The following PSAP variants were observed in gnomAD, a reference collection of about 807,000 sequenced individuals.
PSAP encodes the protein precursor of saposins.
Under a neutral mutation model 66.0 loss-of-function variants are expected in PSAP, and 25 were observed. That is an observed-to-expected ratio of 0.38 (90% CI 0.28 to 0.53). The LOEUF is 0.53. Among genes scored for constraint, PSAP ranks in the 20% least tolerant of loss-of-function variants. The probability of loss-of-function intolerance (pLI) is 0.83; values close to 1 mark genes in which losing one functional copy is unlikely to be tolerated. For missense variants in PSAP, 649 were observed against 668.8 expected (o/e 0.97, Z 0.33); for synonymous variants, 273 against 258.9 (o/e 1.05, Z -0.52).
intron 10 of PSAP, 39 bp from the exon 11 acceptor site, chr10:71,819,661 C>G: frequency 2.5e-6 from 4 of 1,614,090 alleles, no homozygotes; most frequent in Middle Eastern, 1.6e-4. Context: ...TGGCAGGGCC[C>G]TCCCAGACCC....
chr10:71,833,504 T>A (rs1842560500), intron 2 of PSAP, among the ~76,000 whole-genome samples: 1 of 152,206 alleles, frequency 6.6e-6, no homozygotes, highest in Non-Finnish European at 1.5e-5. Context: ...TTCCAGTGAA[T>A]AATTCACAAA....
intron 1 of PSAP, 27 bp from the exon 2 acceptor site, chr10:71,834,532 T>C: frequency 6.2e-7 from 1 of 1,611,608 alleles, no homozygotes. Context: ...CGTGAGGAGG[T>C]GGCCCATTTT....
chr10:71,834,913 T>A (rs1478071790), intron 1 of PSAP, among the ~76,000 whole-genome samples: 1 of 152,104 alleles, frequency 6.6e-6, no homozygotes, highest in Non-Finnish European at 1.5e-5. Flanking sequence ...GTAAAATGGA[T>A]AACAACTGTA....
In PSAP at chr10:71,817,570, G is replaced by T. The variant is rs547640336; in HGVS notation, c.1540-94C>A. 4.7e-5 allele frequency: 58 copies of T among 1,242,656 alleles called. No homozygotes were observed. The African/African-American group carries it at 7.7e-4, about 16-fold the overall frequency. The allele number at this position is 1,242,656 out of a possible 1,614,324, so 77.0% of individuals were successfully genotyped here. Reference sequence around the variant, plus strand: ...CAGATATCACCCCAAAACAGGACCTGTTCTCTTGTCCTAGGTCAGCTGGAT... The same window carrying T: ...CAGATATCACCCCAAAACAGGACCTTTTCTCTTGTCCTAGGTCAGCTGGAT... On this transcript the variant is annotated intron_variant, in intron 13 of 13. Transcript: ENST00000394936.
In PSAP at chr10:71,823,814, C is replaced by T; in HGVS notation, c.778-1807G>A. 2.8e-6 allele frequency: 3 copies of T among 1,067,146 alleles called. No individual in the cohort carries two copies. In the South Asian group the frequency reaches 4.1e-5, roughly 15 times the overall value. 66.1% of individuals were successfully genotyped at this position (1,067,146 alleles called of 1,614,324 possible). ...ATCTGTCAGAGCTAATCATGCCATA[C>T]CCAAAAAAAAAAAAAGCAAAGTAAC... is the stretch of plus-strand genomic sequence containing the variant. On this transcript the variant is annotated intron_variant, in intron 7 of 13. Transcript: ENST00000394936.
chr10:71,847,897 C>A (rs1842850332), intron 1 of PSAP, among the ~76,000 whole-genome samples: 1 of 152,156 alleles, frequency 6.6e-6, no homozygotes, highest in South Asian at 2.1e-4. Context: ...TATATAACAC[C>A]TTCTAGCATC....
rs1842923741 is a variant in PSAP, at chr10:71,851,248, A to G, written c.-27T>C. 5 of 1,549,104 alleles carry G rather than the reference A, an allele frequency of 3.2e-6. No homozygotes were observed. The highest frequency in any genetic ancestry group is 1.2e-5 in the South Asian group (1 of 84,028). On this transcript the variant is annotated 5_prime_UTR_variant, in exon 1 of 14. Coordinates refer to ENST00000394936, the MANE Select transcript of PSAP (RefSeq NM_002778.4). The stretch of plus-strand genomic sequence containing the variant: ...GCGCCGTCTGACTCCGCAGTCTGCA[A>G]TGCGGAGCGTCAGCTGATCCCCCGC...
At chr10:71,825,745 G>A (rs748123931) in intron 7 of PSAP, 92 bp downstream of exon 7, 101 of 1,261,670 alleles carry the variant, frequency 8.0e-5, no homozygotes, top group Non-Finnish European at 1.2e-4. Flanking sequence ...GTAAAAAAGG[G>A]AAACTAAACC....
intron 1 of PSAP, among the ~76,000 whole-genome samples, chr10:71,850,951 C>T (rs1842916234): frequency 6.6e-6 from 1 of 152,264 alleles, no homozygotes; most frequent in African/African-American, 2.4e-5. Flanking sequence ...GAAGGAGATG[C>T]TGCCCAGGGC....
In PSAP at chr10:71,834,393, G is replaced by C; in HGVS notation, c.153C>G (p.Thr51=). 1.2e-6 allele frequency: 2 copies of C among 1,613,870 alleles called. No individual in the cohort carries two copies. The highest frequency in any genetic ancestry group is 1.1e-5 in the South Asian group (1 of 91,058). The change falls in exon 2 of 14, where the codon ACC becomes ACG. Residue 51 remains threonine, a synonymous_variant. Coordinates refer to ENST00000394936, the MANE Select transcript of PSAP (RefSeq NM_002778.4). ...DCGAVKHCLQ[T]VWNKPTVKSL... is the part of the protein sequence containing the mutation. The stretch of plus-strand genomic sequence containing the variant: ...TCACCACTGTTGGCTTGTTCCAAAC[G>C]GTCTGCAGGCAGTGCTTCACTGCCC...
intron 1 of PSAP, among the ~76,000 whole-genome samples, chr10:71,840,490 T>C (rs1382027135): frequency 1.3e-5 from 2 of 152,244 alleles, no homozygotes; most frequent in East Asian, 1.9e-4. Context: ...CTCTTCCTCA[T>C]AGATAATCCT....
intron 1 of PSAP, 103 bp downstream of exon 1, chr10:71,851,079 C>G: frequency 7.3e-7 from 1 of 1,365,260 alleles, no homozygotes; most frequent in Non-Finnish European, 1.0e-6. Flanking sequence ...CCCTTGCCAA[C>G]TAGGGCAGGG....
intron 1 of PSAP, among the ~76,000 whole-genome samples, chr10:71,835,912 C>G (rs1842617251): frequency 6.6e-6 from 1 of 151,596 alleles, no homozygotes; most frequent in Admixed American, 6.6e-5. Context: ...CTCTGTAAGC[C>G]AATTCTACAT....
intron 1 of PSAP, among the ~76,000 whole-genome samples, chr10:71,846,869 A>AC (rs1429333086): frequency 1.3e-5 from 2 of 152,174 alleles, no homozygotes; most frequent in African/African-American, 4.8e-5. Context: ...CAAGGCTTAC[A>AC]GCCTGGTAGC....
intron 1 of PSAP, among the ~76,000 whole-genome samples, chr10:71,834,728 G>A (rs1842588807): frequency 2.0e-5 from 3 of 152,192 alleles, no homozygotes; most frequent in South Asian, 2.1e-4. Flanking sequence ...TCTGGTTCAC[G>A]TTCATCCTCT....
chr10:71,822,078 G>A, intron 7 of PSAP, 71 bp from the exon 8 acceptor site: 1 of 1,608,688 alleles, frequency 6.2e-7, no homozygotes, highest in Non-Finnish European at 8.5e-7. Context: ...AATCCAGCCA[G>A]AGGACAGGGA....
chr10:71,818,138 C>T (rs1040567962), intron 13 of PSAP, among the ~76,000 whole-genome samples: 4 of 152,266 alleles, frequency 2.6e-5, no homozygotes, highest in Admixed American at 6.5e-5. Flanking sequence ...CAACTGGTGG[C>T]TGCCAGGCCA....
intron 1 of PSAP, among the ~76,000 whole-genome samples, chr10:71,848,694 C>T (rs780585171): frequency 2.8e-4 from 42 of 152,178 alleles, no homozygotes; most frequent in Non-Finnish European, 4.9e-4. Flanking sequence ...AAGTGCCTCT[C>T]GGGCAGCAGA....
Position 71,819,920 on chromosome 10 carries a change from C to G in PSAP, c.1006-20G>C, listed in dbSNP as rs751608981. 1 of 1,609,008 alleles carries G rather than the reference C, an allele frequency of 6.2e-7. No individual in the cohort carries two copies. Among genetic ancestry groups the G allele is most frequent in the Non-Finnish European group, 8.5e-7 (1 of 1,175,958 alleles). On this transcript the variant is annotated intron_variant, in intron 9 of 13. Transcript: ENST00000394936. ...TTCTTTCTGAAACACACGAGAGGAT[C>G]GTGTGAGAAGACGGGAGGCCGGACA... is the stretch of plus-strand genomic sequence containing the variant.
Sources: gnomAD v4.1 joint callset for allele counts (sites outside exome capture counted in the v4.1 genomes callset) on GRCh38, gnomAD v4.1.1 for gene constraint, MANE v1.5 for transcripts, NCBI Gene and HGNC (gene_info 2026-07-23, HGNC 2026-07-21) for gene names.